Variants in VWDE observed in about 807,000 individuals in gnomAD.
The protein encoded by VWDE is von Willebrand factor D and EGF domain-containing protein.
In VWDE, 207 loss-of-function variants were observed where a neutral mutation model predicts 178.4. The ratio of observed to expected loss-of-function variants is 1.16; its 90% CI spans 1.04 to 1.30. The LOEUF is 1.30. VWDE is among the 50% of genes most tolerant of loss of function. The probability of loss-of-function intolerance (pLI) is 0.00; values close to 1 mark genes in which losing one functional copy is unlikely to be tolerated. For synonymous variants in VWDE, 738 were observed against 651.4 expected, an observed-to-expected ratio of 1.13 and a Z score of -2.02; for missense variants, 2,287 against 1,901.3, an observed-to-expected ratio of 1.20 and a Z score of -3.77.
chr7:12,389,897 G>A lies in VWDE; in HGVS notation c.244-539C>T, dbSNP rs541922342. Among the ~76,000 whole-genome samples the A allele has an allele frequency of 5.3e-5, 8 of 152,224 alleles. No individual in the cohort carries two copies. In the East Asian group the frequency reaches 1.5e-3, roughly 29 times the overall value. On this transcript the variant is annotated intron_variant, in intron 2 of 28. Transcript: ENST00000275358. ...ATACAGTTTGGTGGGGTGCGGTGGC[G>A]CATGCCTGCAATCCCAGCACTTTGG...
chr7:12,364,023 A>C (rs1032871202), intron 13 of VWDE, among the ~76,000 whole-genome samples: 1 of 152,050 alleles, frequency 6.6e-6, no homozygotes, highest in Non-Finnish European at 1.5e-5. Context: ...TGACTTACAT[A>C]TACATTTAGA....
intron 9 of VWDE, 128 bp downstream of exon 9, chr7:12,374,561 C>T: frequency 1.7e-6 from 1 of 600,868 alleles, no homozygotes; most frequent in South Asian, 2.6e-5. Context: ...TGAAACAAGC[C>T]AGTAATGCCT....
chr7:12,395,082 T>G (rs1425054749), intron 1 of VWDE, among the ~76,000 whole-genome samples: 5 of 151,996 alleles, frequency 3.3e-5, no homozygotes, highest in African/African-American at 1.2e-4. Flanking sequence ...TCTACAGAAT[T>G]TTTTTTAGTA....
chr7:12,385,115 A>T (rs919576406), intron 3 of VWDE, among the ~76,000 whole-genome samples: 2 of 152,102 alleles, frequency 1.3e-5, no homozygotes, highest in African/African-American at 4.8e-5. Flanking sequence ...TTGAATTAAT[A>T]TTTTTTCTTG....
Position 12,342,061 on chromosome 7 carries a change from G to A in VWDE, c.4268C>T (p.Thr1423Ile), listed in dbSNP as rs116125922. The A allele has an allele frequency of 2.3e-3, 3,584 of 1,549,970 alleles. 66 individuals carry two copies. The African/African-American group carries it at 0.039, about 17-fold the overall frequency. ...KPGWYGPTCS[T>I]ALCDPVCLNG... is the part of the protein sequence containing the mutation. ...ATTGAAAATATTTCCAATTTTACCTGTACTACAGGTGGGTCCATACCAGCC... is the reference window on the plus strand; with the variant it reads ...ATTGAAAATATTTCCAATTTTACCTATACTACAGGTGGGTCCATACCAGCC... Residue 1423 changes from threonine to isoleucine, a missense_variant and splice_region_variant, in exon 23 of 29, where the codon ACA becomes ATA. Thr to Ile is a moderately conservative substitution (Grantham distance 89). Coordinates refer to ENST00000275358, the MANE Select transcript of VWDE (RefSeq NM_001135924.3).
At chr7:12,379,673 A>C (rs1783732570) in intron 5 of VWDE, 107 bp from the exon 6 acceptor site, 1 of 636,364 alleles carries the variant, frequency 1.6e-6, no homozygotes. Context: ...ATAGTATATA[A>C]AGATAATAAA....
intron 19 of VWDE, among the ~76,000 whole-genome samples, chr7:12,350,629 A>T (rs1781877072): frequency 6.6e-6 from 1 of 152,070 alleles, no homozygotes; most frequent in African/African-American, 2.4e-5. Context: ...CTACAATGAG[A>T]GCGTAAGTTT....
rs150644730 is a variant in VWDE at position 12,400,131 on chromosome 7, A to G, written c.58+3528T>C. ...CCTATAGTATAGGAGAAAAAGATGAACATCAAGTTAACCTTGCACCTTAAG... is the reference window on the plus strand; with the variant it reads ...CCTATAGTATAGGAGAAAAAGATGAGCATCAAGTTAACCTTGCACCTTAAG... On this transcript the variant is annotated intron_variant, in intron 1 of 28. Coordinates refer to ENST00000275358, the MANE Select transcript of VWDE (RefSeq NM_001135924.3). 6.4e-3 allele frequency among the ~76,000 whole-genome samples: 969 copies of G among 152,288 alleles called. 12 individuals carry two copies. Among genetic ancestry groups the G allele is most frequent in the African/African-American group, 0.022 (895 of 41,572 alleles).
At chr7:12,382,541 C>G (rs1355446795) in intron 4 of VWDE, among the ~76,000 whole-genome samples, 4 of 151,798 alleles carry the variant, frequency 2.6e-5, no homozygotes, top group Admixed American at 2.0e-4. Context: ...TATTATAAAA[C>G]TCTTTTTAAA....
At chr7:12,396,356 T>G (rs1308128335) in intron 1 of VWDE, among the ~76,000 whole-genome samples, 1 of 124,808 alleles carries the variant, frequency 8.0e-6, no homozygotes, top group African/African-American at 2.5e-5. Context: ...GAGATAAACA[T>G]GCATAACCCT....
chr7:12,374,469 G>C (rs561746607), intron 9 of VWDE, among the ~76,000 whole-genome samples: 4 of 151,932 alleles, frequency 2.6e-5, no homozygotes, highest in Non-Finnish European at 5.9e-5. Context: ...ATTTTTACAA[G>C]TTCAGCCTTG....
At chr7:12,396,512 C>T (rs1784633298) in intron 1 of VWDE, among the ~76,000 whole-genome samples, 1 of 151,986 alleles carries the variant, frequency 6.6e-6, no homozygotes, top group African/African-American at 2.4e-5. Context: ...AGAGAAAAAC[C>T]ACTTTTGATC....
intron 1 of VWDE, among the ~76,000 whole-genome samples, chr7:12,397,826 T>A (rs1413308746): frequency 6.6e-6 from 1 of 152,046 alleles, no homozygotes; most frequent in Non-Finnish European, 1.5e-5. Flanking sequence ...ACATCACTAA[T>A]CATCAAAGAA....
intron 27 of VWDE, among the ~76,000 whole-genome samples, chr7:12,334,952 C>T (rs141088982): frequency 0.011 from 1,726 of 152,132 alleles, 38 homozygotes; most frequent in African/African-American, 0.039. Flanking sequence ...AATACCAGCA[C>T]TTAATAGTAC....
At chr7:12,357,544 A>T (rs548079460) in intron 16 of VWDE, 29 bp from the exon 17 acceptor site, 2 of 1,548,000 alleles carry the variant, frequency 1.3e-6, no homozygotes, top group Non-Finnish European at 1.7e-6. Flanking sequence ...TTAACTTTAT[A>T]CCCGTGTAGA....
At chr7:12,351,853 T>G in intron 18 of VWDE, 140 bp from the exon 19 acceptor site, 25 of 684,204 alleles carry the variant, frequency 3.7e-5, no homozygotes, top group Admixed American at 7.0e-5. Flanking sequence ...ATGTCATCTC[T>G]TCTGCACACT....
chr7:12,401,517 C>T (rs1009489137), intron 1 of VWDE, among the ~76,000 whole-genome samples: 1 of 152,094 alleles, frequency 6.6e-6, no homozygotes, highest in Non-Finnish European at 1.5e-5. Flanking sequence ...AGAGAATAAG[C>T]AAATTTCTCA....
At chr7:12,340,787 ACAATT>A (rs1781286690) in intron 23 of VWDE, among the ~76,000 whole-genome samples, 1 of 152,178 alleles carries the variant, frequency 6.6e-6, no homozygotes, top group South Asian at 2.1e-4. Flanking sequence ...TTAAGAGAAG[ACAATT>A]CAATTCAACA....
intron 19 of VWDE, among the ~76,000 whole-genome samples, chr7:12,345,993 A>T (rs73296513): frequency 0.017 from 2,603 of 152,252 alleles, 69 homozygotes; most frequent in African/African-American, 0.059. Context: ...ACGTTAGTCA[A>T]TAGCATTTAT....
Sources: gnomAD v4.1 joint callset for allele counts (sites outside exome capture counted in the v4.1 genomes callset) on GRCh38, gnomAD v4.1.1 for gene constraint, MANE v1.5 for transcripts, NCBI Gene and HGNC (gene_info 2026-07-23, HGNC 2026-07-21) for gene names.